ASPH: variants seen among roughly 807,000 people sequenced by gnomAD.
ASPH encodes the protein aspartate beta-hydroxylase.
Under a neutral mutation model 118.4 loss-of-function variants are expected in ASPH, and 100 were observed. The observed-to-expected ratio is 0.84, with a 90% CI of 0.72 to 1.00. The LOEUF (loss-of-function observed/expected upper bound fraction) is 1.00, where lower values mean the gene tolerates loss of function less well. Among genes scored for constraint, ASPH ranks in the 50% least tolerant of loss-of-function variants. The probability of loss-of-function intolerance (pLI) is 0.00; values close to 1 mark genes in which losing one functional copy is unlikely to be tolerated. For missense variants in ASPH, 920 were observed against 919.5 expected, an observed-to-expected ratio of 1.00 and a Z score of -0.01; for synonymous variants, 315 against 325.6, an observed-to-expected ratio of 0.97 and a Z score of 0.35.
At chr8:61,664,818 C>A in intron 3 of ASPH, 1 of 987,914 alleles carries the variant, frequency 1.0e-6, no homozygotes, top group Non-Finnish European at 1.2e-6. Context: ...AACAGGGAAG[C>A]AGGAAGGGGA....
At chr8:61,624,572 A>C in intron 13 of ASPH, 4 of 981,406 alleles carry the variant, frequency 4.1e-6, no homozygotes, top group Non-Finnish European at 4.8e-6. Flanking sequence ...CTCAACATTT[A>C]ATAGAAGACA....
intron 21 of ASPH, among the ~76,000 whole-genome samples, chr8:61,542,841 G>A (rs1369928204): frequency 6.6e-6 from 1 of 151,972 alleles, no homozygotes; most frequent in Non-Finnish European, 1.5e-5. Context: ...TCTTAATTTT[G>A]CTAGATATAG....
chr8:61,540,646 C>G (rs899504940), intron 21 of ASPH, among the ~76,000 whole-genome samples: 1 of 152,200 alleles, frequency 6.6e-6, no homozygotes, highest in Admixed American at 6.5e-5. Context: ...TGGACTATTT[C>G]AGTTTAATGC....
rs1366704255 is a variant in ASPH, at chr8:61,502,820, CT to C, written c.*538del. ...ATAAAACTGCTTTTTTCATGAGTAT[CT>C]TTTACTAAGAAGAATTAAAAGAGGG... is the stretch of plus-strand genomic sequence containing the variant. On this transcript the variant is annotated 3_prime_UTR_variant, in exon 25 of 25. Coordinates refer to ENST00000379454, the MANE Select transcript of ASPH (RefSeq NM_004318.4). 6.6e-6 allele frequency: 1 copy of C among 152,128 alleles called. No homozygotes were observed. Among genetic ancestry groups the C allele is most frequent in the Non-Finnish European group, 1.5e-5 (1 of 68,020 alleles). 9.4% of individuals were successfully genotyped at this position (152,128 alleles called of 1,614,324 possible). A position where few individuals can be genotyped will look rare whatever the true frequency, so the allele number is the denominator to read the frequency against.
chr8:61,627,219 C>T (rs978989545), intron 13 of ASPH, among the ~76,000 whole-genome samples: 2 of 152,054 alleles, frequency 1.3e-5, no homozygotes, highest in Admixed American at 6.6e-5. Context: ...CTCATTGTGT[C>T]CATTAACAGT....
At position 61,550,044 on chromosome 8, in the gene ASPH, C is replaced by T. The variant is rs373692513; in HGVS notation, c.1627-1836G>A. On this transcript the variant is annotated intron_variant, in intron 20 of 24. Coordinates refer to ENST00000379454, the MANE Select transcript of ASPH (RefSeq NM_004318.4). ...GCATCAAGTAGGACTCAATTTTTCACTCTCCTGTCATATAAATTTTAGGAG... is the reference window on the plus strand; with the variant it reads ...GCATCAAGTAGGACTCAATTTTTCATTCTCCTGTCATATAAATTTTAGGAG... Among the ~76,000 whole-genome samples the T allele has an allele frequency of 6.1e-4, 93 of 152,242 alleles. 1 individual carries two copies. The Middle Eastern group carries it at 0.027, about 45-fold the overall frequency.
At chr8:61,613,964 T>G (rs1453553036) in intron 14 of ASPH, among the ~76,000 whole-genome samples, 4 of 152,196 alleles carry the variant, frequency 2.6e-5, no homozygotes, top group African/African-American at 9.7e-5. Context: ...CACAGAAAAC[T>G]AAGAACTATC....
intron 14 of ASPH, among the ~76,000 whole-genome samples, chr8:61,598,582 G>C (rs1303514632): frequency 1.3e-5 from 2 of 152,162 alleles, no homozygotes; most frequent in East Asian, 3.9e-4. Flanking sequence ...GGACAGATCA[G>C]CTAGACAGAA....
At chr8:61,564,731 C>T (rs1042890781) in intron 17 of ASPH, among the ~76,000 whole-genome samples, 3 of 152,232 alleles carry the variant, frequency 2.0e-5, no homozygotes, top group Admixed American at 2.0e-4. Flanking sequence ...ATTAGTCTAA[C>T]TGACCATTTC....
At chr8:61,704,482 T>G in intron 1 of ASPH, among the ~76,000 whole-genome samples, 1 of 151,616 alleles carries the variant, frequency 6.6e-6, no homozygotes, top group Non-Finnish European at 1.5e-5. Context: ...GAATGTGCAG[T>G]TTCTTAGAAC....
chr8:61,654,083 A>T (rs923588519), intron 3 of ASPH, among the ~76,000 whole-genome samples: 2 of 152,216 alleles, frequency 1.3e-5, no homozygotes, highest in East Asian at 3.8e-4. Context: ...TTTCACTTAT[A>T]TAATTATTTA....
intron 17 of ASPH, among the ~76,000 whole-genome samples, chr8:61,563,571 C>T (rs1830678167): frequency 6.6e-6 from 1 of 152,238 alleles, no homozygotes; most frequent in Admixed American, 6.5e-5. Flanking sequence ...GGCTTAGTTG[C>T]CCACAATCTA....
At chr8:61,681,786 C>T (rs9298053) in intron 2 of ASPH, among the ~76,000 whole-genome samples, 126,565 of 151,754 alleles carry the variant, frequency 0.83, 52,920 homozygotes, top group African/African-American at 0.88. Context: ...GAACAGAAAA[C>T]GTTTTTAGGC....
At position 61,663,602 on chromosome 8, in the gene ASPH, T is replaced by G. The variant is rs569142799; in HGVS notation, c.323-9942A>C. On this transcript the variant is annotated intron_variant, in intron 3 of 24. Coordinates refer to ENST00000379454, the MANE Select transcript of ASPH (RefSeq NM_004318.4). ...CCCTGTATCTGCCAAACAAAGCAGC[T>G]GTAGAATTCCCTTTTTGGTTTACAA... 1.4e-5 allele frequency: 14 copies of G among 985,410 alleles called. No individual in the cohort carries two copies. In the African/African-American group the frequency reaches 2.4e-4, roughly 17 times the overall value. 61.0% of individuals were successfully genotyped at this position (985,410 alleles called of 1,614,324 possible).
rs759761612 is a variant in ASPH at position 61,633,719 on chromosome 8, T to C, written c.898A>G (p.Ile300Val). ...DSQVIVEEVSIFPVEEQQEVP... is the reference protein window; with the variant it reads ...DSQVIVEEVSVFPVEEQQEVP... ...TCCTGCTGTTCTTCCACAGGAAAAA[T>C]GCTTACTTCTAAAATAAATAATAAA... is the stretch of plus-strand genomic sequence containing the variant. Residue 300 changes from isoleucine to valine, a missense_variant, in exon 13 of 25, where the codon ATT (isoleucine) becomes GTT (valine). Ile to Val is a conservative substitution (Grantham distance 29). Coordinates refer to ENST00000379454, the MANE Select transcript of ASPH (RefSeq NM_004318.4). The C allele has an allele frequency of 1.0e-5, 16 of 1,596,776 alleles. No individual in the cohort carries two copies. Among genetic ancestry groups the C allele is most frequent in the Non-Finnish European group, 1.4e-5 (16 of 1,170,646 alleles).
At chr8:61,665,270 G>A (rs878993415) in intron 3 of ASPH, 1 of 1,601,488 alleles carries the variant, frequency 6.2e-7, no homozygotes, top group South Asian at 1.1e-5. Flanking sequence ...TCTTTTCTGG[G>A]TATTTCCCTT....
intron 21 of ASPH, among the ~76,000 whole-genome samples, chr8:61,542,706 T>C (rs933112340): frequency 1.3e-5 from 2 of 152,192 alleles, no homozygotes; most frequent in African/African-American, 2.4e-5. Context: ...TTTTTCTTCA[T>C]GTGGATTTGT....
At position 61,697,122 on chromosome 8, in the gene ASPH, A is replaced by T. The variant is rs188874907; in HGVS notation, c.104-12934T>A. 3.5e-3 allele frequency among the ~76,000 whole-genome samples: 528 copies of T among 152,362 alleles called. 2 individuals carry two copies. Among genetic ancestry groups the T allele is most frequent in the Middle Eastern group, 0.02 (6 of 294 alleles). On this transcript the variant is annotated intron_variant, in intron 1 of 24. Coordinates refer to ENST00000379454, the MANE Select transcript of ASPH (RefSeq NM_004318.4). ...GGGAGGAAAGTGAGGGATTACAAAA[A>T]TTCATTAGCACAGCATACACAGAAG...
At chr8:61,623,393 T>C (rs1334005920) in intron 13 of ASPH, among the ~76,000 whole-genome samples, 2 of 152,232 alleles carry the variant, frequency 1.3e-5, no homozygotes, top group Non-Finnish European at 2.9e-5. Context: ...AATCAGGTTA[T>C]TAGATTTTTC....
Sources: gnomAD v4.1 joint callset for allele counts (sites outside exome capture counted in the v4.1 genomes callset) on GRCh38, gnomAD v4.1.1 for gene constraint, MANE v1.5 for transcripts, NCBI Gene and HGNC (gene_info 2026-07-23, HGNC 2026-07-21) for gene names.